The following FBXO45 variants were observed in gnomAD, a reference collection of about 807,000 sequenced individuals.
FBXO45 encodes the protein F-box protein 45.
In FBXO45, 3 loss-of-function variants were observed where a neutral mutation model predicts 25.5. That is an observed-to-expected ratio of 0.12 (90% CI 0.05 to 0.30). FBXO45 has a LOEUF of 0.30. FBXO45 is among the 10% of genes least tolerant of loss of function. The probability of loss-of-function intolerance (pLI) is 1.00; values close to 1 mark genes in which losing one functional copy is unlikely to be tolerated. For missense variants in FBXO45, 219 were observed against 365.0 expected (o/e 0.60, Z 3.26); for synonymous variants, 155 against 149.8 (o/e 1.03, Z -0.25).
rs1286961352 is a variant in FBXO45 at position 196,587,305 on chromosome 3, T to C, written c.*2987T>C. ...ACAAGGAATTTGTGGTTAATGTCAT[T>C]TCATAGTTGCCATTATTTTCTCATT... On this transcript the variant is annotated 3_prime_UTR_variant, in exon 3 of 3. Transcript: ENST00000311630. 1.3e-5 allele frequency: 2 copies of C among 152,252 alleles called. No homozygotes were observed. The highest frequency in any genetic ancestry group is 1.9e-4 in the East Asian group (1 of 5,204). The allele number at this position is 152,252 out of a possible 1,614,324, so 9.4% of individuals were successfully genotyped here. A position where few individuals can be genotyped will look rare whatever the true frequency, so the allele number is the denominator to read the frequency against.
At chr3:196,579,385 C>T (rs554611796) in intron 2 of FBXO45, among the ~76,000 whole-genome samples, 3 of 152,082 alleles carry the variant, frequency 2.0e-5, no homozygotes. Context: ...CCTCACTATC[C>T]TTTTAGGCTC....
intron 2 of FBXO45, among the ~76,000 whole-genome samples, chr3:196,579,754 C>T (rs528172286): frequency 6.6e-6 from 1 of 152,218 alleles, no homozygotes; most frequent in African/African-American, 2.4e-5. Context: ...TCTATCCTTG[C>T]TAATTTGTCT....
intron 2 of FBXO45, among the ~76,000 whole-genome samples, chr3:196,581,304 C>T (rs1736009079): frequency 7.9e-6 from 1 of 127,074 alleles, no homozygotes; most frequent in South Asian, 2.7e-4. Context: ...GATCTGGGCT[C>T]ACTGCAGCCA....
At position 196,585,795 on chromosome 3, in the gene FBXO45, A is replaced by C. The variant is rs1736094651; in HGVS notation, c.*1477A>C. ...ACATAAGAATTGACAAAAGCGAGCG[A>C]AATCTTTGTACTTCTGAGTTCTTGC... On this transcript the variant is annotated 3_prime_UTR_variant, in exon 3 of 3. Coordinates refer to ENST00000311630, the MANE Select transcript of FBXO45 (RefSeq NM_001105573.2). 6.6e-6 allele frequency: 1 copy of C among 152,240 alleles called. No homozygotes were observed. The highest frequency in any genetic ancestry group is 6.5e-5 in the Admixed American group (1 of 15,284). 9.4% of individuals were successfully genotyped at this position (152,240 alleles called of 1,614,324 possible).
In FBXO45 at chr3:196,585,603, G is replaced by T. The variant is rs1452985901; in HGVS notation, c.*1285G>T. 1.3e-5 allele frequency: 2 copies of T among 152,170 alleles called. No homozygotes were observed. The highest frequency in any genetic ancestry group is 2.9e-5 in the Non-Finnish European group (2 of 68,026). The allele number at this position is 152,170 out of a possible 1,614,324, so 9.4% of individuals were successfully genotyped here. A position where few individuals can be genotyped will look rare whatever the true frequency, so the allele number is the denominator to read the frequency against. On this transcript the variant is annotated 3_prime_UTR_variant, in exon 3 of 3. Transcript: ENST00000311630. Reference sequence around the variant, plus strand: ...GTTGGCAATATTTGAAGGTTTCGTTGTAGAAGAGTTTAACATTAACTCCTA... The same window carrying T: ...GTTGGCAATATTTGAAGGTTTCGTTTTAGAAGAGTTTAACATTAACTCCTA...
chr3:196,579,980 C>T (rs1475983273), intron 2 of FBXO45, among the ~76,000 whole-genome samples: 1 of 152,022 alleles, frequency 6.6e-6, no homozygotes, highest in Non-Finnish European at 1.5e-5. Flanking sequence ...TTTATCTAAC[C>T]CAGTCTCTGT....
In FBXO45 at chr3:196,575,194, G is replaced by A. The variant is rs562369745; in HGVS notation, c.319-2259G>A. On this transcript the variant is annotated intron_variant, in intron 1 of 2. Transcript: ENST00000311630. Reference sequence around the variant, plus strand: ...GAGAGGGCCGGGCGTGGTGGCTCACGCCTGTAATCCCAGCACTTGCGGAGG... The same window carrying A: ...GAGAGGGCCGGGCGTGGTGGCTCACACCTGTAATCCCAGCACTTGCGGAGG... Among the ~76,000 whole-genome samples the A allele has an allele frequency of 3.9e-5, 6 of 152,236 alleles. No homozygotes were observed. The South Asian group carries it at 8.3e-4, about 21-fold the overall frequency.
At position 196,579,257 on chromosome 3, in the gene FBXO45, C is replaced by A. The variant is rs929363295; in HGVS notation, c.675+1448C>A. Among the ~76,000 whole-genome samples, 5 of 152,176 alleles carry A rather than the reference C, an allele frequency of 3.3e-5. 1 individual carries two copies. Among genetic ancestry groups the A allele is most frequent in the African/African-American group, 1.2e-4 (5 of 41,448 alleles). ...TTGCATATTTCAGAGCCACCTGTGG[C>A]GTGAAAGTTCCAGCCTCAGTAATGA... On this transcript the variant is annotated intron_variant, in intron 2 of 2. Transcript: ENST00000311630.
At chr3:196,581,249 T>A (rs1736007949) in intron 2 of FBXO45, among the ~76,000 whole-genome samples, 1 of 140,688 alleles carries the variant, frequency 7.1e-6, no homozygotes. Context: ...TTTTTTTTTT[T>A]TTGAGACAGT....
At chr3:196,579,779 C>T (rs1278017452) in intron 2 of FBXO45, among the ~76,000 whole-genome samples, 1 of 152,092 alleles carries the variant, frequency 6.6e-6, no homozygotes, top group African/African-American at 2.4e-5. Context: ...TCTTTTAGTT[C>T]TCTCAGTGTT....
chr3:196,578,145 A>C (rs144243462), intron 2 of FBXO45, among the ~76,000 whole-genome samples: 1 of 148,004 alleles, frequency 6.8e-6, no homozygotes, highest in Non-Finnish European at 1.5e-5. Flanking sequence ...GGTTCAAGCA[A>C]TTCTCTGCCT....
rs1735753953 is a variant in FBXO45, at chr3:196,569,711, A to G, written c.318+409A>G. 2.6e-5 allele frequency among the ~76,000 whole-genome samples: 4 copies of G among 152,152 alleles called. No homozygotes were observed. Among genetic ancestry groups the G allele is most frequent in the South Asian group, 2.1e-4 (1 of 4,830 alleles). On this transcript the variant is annotated intron_variant, in intron 1 of 2. Transcript: ENST00000311630. The surrounding 1 kb of genome is among the most constrained non-coding windows in gnomAD (Gnocchi z 4.1). ...TTAGTTTCTAAGTTTCTAAGTTTCTAGTTTGCTTTCACTCCACGTTTATCT... is the reference window on the plus strand; with the variant it reads ...TTAGTTTCTAAGTTTCTAAGTTTCTGGTTTGCTTTCACTCCACGTTTATCT...
Position 196,586,012 on chromosome 3 carries a change from A to G in FBXO45, c.*1694A>G, listed in dbSNP as rs1736105261. ...TGTGTATTTGATACATTGCTTGAAA[A>G]GATGAAATCTGTTAAAGATTCTTTT... On this transcript the variant is annotated 3_prime_UTR_variant, in exon 3 of 3. Transcript: ENST00000311630. The G allele has an allele frequency of 6.6e-6, 1 of 152,272 alleles. No individual in the cohort carries two copies. Among genetic ancestry groups the G allele is most frequent in the African/African-American group, 2.4e-5 (1 of 41,472 alleles). 9.4% of individuals were successfully genotyped at this position (152,272 alleles called of 1,614,324 possible). A position where few individuals can be genotyped will look rare whatever the true frequency, so the allele number is the denominator to read the frequency against.
Position 196,585,678 on chromosome 3 carries a change from TAATC to T in FBXO45, c.*1361_*1364del, listed in dbSNP as rs1475237451. 6.6e-6 allele frequency: 1 copy of T among 152,248 alleles called. No individual in the cohort carries two copies. The highest frequency in any genetic ancestry group is 1.5e-5 in the Non-Finnish European group (1 of 68,042). 9.4% of individuals were successfully genotyped at this position (152,248 alleles called of 1,614,324 possible). A position where few individuals can be genotyped will look rare whatever the true frequency, so the allele number is the denominator to read the frequency against. On this transcript the variant is annotated 3_prime_UTR_variant, in exon 3 of 3. Transcript: ENST00000311630. ...CATCACTAAAATGCTTTTGAATTAATAATCCAACCCACATGAGCTGAGAGTTTTT... is the reference window on the plus strand; with the variant it reads ...CATCACTAAAATGCTTTTGAATTAATCAACCCACATGAGCTGAGAGTTTTT...
intron 1 of FBXO45, among the ~76,000 whole-genome samples, chr3:196,570,265 CTT>C (rs35858957): frequency 0.23 from 32,978 of 142,284 alleles, 4,279 homozygotes; most frequent in East Asian, 0.63. Flanking sequence ...ACATCCCCCC[CTT>C]TTTTTTTTTT....
rs192655234 is a variant in FBXO45 at position 196,584,320 on chromosome 3, A to G, written c.*2A>G. The G allele has an allele frequency of 3.1e-6, 5 of 1,598,114 alleles. No homozygotes were observed. In the Admixed American group the frequency reaches 5.4e-5, roughly 17 times the overall value. ...CTTGGAAAACCTTTGGACGGATGACAGTGGCTTTCTTGTGATGACAGACAG... is the reference window on the plus strand; with the variant it reads ...CTTGGAAAACCTTTGGACGGATGACGGTGGCTTTCTTGTGATGACAGACAG... On this transcript the variant is annotated 3_prime_UTR_variant, in exon 3 of 3. Transcript: ENST00000311630. The surrounding 1 kb of genome is among the most constrained non-coding windows in gnomAD (Gnocchi z 4.3).
intron 1 of FBXO45, among the ~76,000 whole-genome samples, chr3:196,570,718 T>C (rs557911956): frequency 1.5e-5 from 2 of 135,982 alleles, no homozygotes; most frequent in African/African-American, 5.1e-5. Flanking sequence ...TTTTCTTTTT[T>C]TTTTTTTTTT....
chr3:196,578,823 G>A (rs190348982), intron 2 of FBXO45, among the ~76,000 whole-genome samples: 2 of 151,886 alleles, frequency 1.3e-5, no homozygotes, highest in Non-Finnish European at 2.9e-5. Flanking sequence ...AAGCTGATTA[G>A]CTATCTTTAG....
intron 2 of FBXO45, among the ~76,000 whole-genome samples, chr3:196,580,953 A>G (rs1205710390): frequency 6.6e-6 from 1 of 151,262 alleles, no homozygotes; most frequent in Non-Finnish European, 1.5e-5. Flanking sequence ...TGCCTGGCTA[A>G]TATTTGTATT....
Sources: gnomAD v4.1 joint callset for allele counts (sites outside exome capture counted in the v4.1 genomes callset) on GRCh38, gnomAD v4.1.1 for gene constraint, Gnocchi (gnomAD v3.1) non-coding constraint, MANE v1.5 for transcripts, NCBI Gene and HGNC (gene_info 2026-07-23, HGNC 2026-07-21) for gene names.